PCDH15: variants seen among roughly 807,000 people sequenced by gnomAD.
PCDH15 encodes protocadherin-15.
A neutral mutation model predicts 178.5 loss-of-function variants in PCDH15; 129 were observed. The observed-to-expected ratio is 0.72, with a 90% CI of 0.63 to 0.84. PCDH15 has a LOEUF of 0.84. Among genes scored for constraint, PCDH15 ranks in the 40% least tolerant of loss-of-function variants. The pLI is 0.00. For synonymous variants in PCDH15, 800 were observed against 732.0 expected, an observed-to-expected ratio of 1.09 and a Z score of -1.50; for missense variants, 2,230 against 2,099.9, an observed-to-expected ratio of 1.06 and a Z score of -1.21.
intron 1 of PCDH15, among the ~76,000 whole-genome samples, chr10:55,278,445 G>A (rs977297947): frequency 4.6e-5 from 7 of 151,800 alleles, no homozygotes; most frequent in Non-Finnish European, 1.0e-4. Flanking sequence ...GGCTGGTTAC[G>A]AACTCCTGGC....
chr10:55,434,789 A>G (rs1838999381), intron 2 of PCDH15, among the ~76,000 whole-genome samples: 1 of 152,014 alleles, frequency 6.6e-6, no homozygotes, highest in African/African-American at 2.4e-5. Context: ...TATTTTTAGT[A>G]GAGACAGGGT....
chr10:53,949,245 T>C (rs926196752), intron 23 of PCDH15, among the ~76,000 whole-genome samples: 1 of 152,212 alleles, frequency 6.6e-6, no homozygotes, highest in Non-Finnish European at 1.5e-5. Context: ...AAACCTATTA[T>C]GTTTGAGGCA....
intron 20 of PCDH15, among the ~76,000 whole-genome samples, chr10:54,016,569 T>C (rs538439810): frequency 2.6e-5 from 4 of 152,324 alleles, no homozygotes; most frequent in African/African-American, 9.6e-5. Flanking sequence ...AATGAGATCA[T>C]GTCCTTTGCA....
intron 1 of PCDH15, among the ~76,000 whole-genome samples, chr10:54,781,854 G>A (rs1438760246): frequency 6.6e-6 from 1 of 152,066 alleles, no homozygotes; most frequent in Non-Finnish European, 1.5e-5. Flanking sequence ...TCAAACACGA[G>A]GTTCCTGCTT....
chr10:55,064,586 T>C (rs1029998365), intron 2 of PCDH15, among the ~76,000 whole-genome samples: 3 of 146,786 alleles, frequency 2.0e-5, no homozygotes, highest in East Asian at 4.6e-4. Flanking sequence ...AAAATATAAC[T>C]TTTTTTTTCA....
intron 2 of PCDH15, among the ~76,000 whole-genome samples, chr10:55,092,047 A>G (rs1842332189): frequency 6.6e-6 from 1 of 151,888 alleles, no homozygotes; most frequent in Non-Finnish European, 1.5e-5. Flanking sequence ...ATCTATTCTA[A>G]TATGGCTCAT....
chr10:54,863,171 T>A (rs908288783), intron 3 of PCDH15, among the ~76,000 whole-genome samples: 1 of 152,174 alleles, frequency 6.6e-6, no homozygotes, highest in African/African-American at 2.4e-5. Flanking sequence ...AATTTTACGA[T>A]GGTAGCATTT....
At chr10:54,157,968 C>T (rs1007767753) in intron 13 of PCDH15, among the ~76,000 whole-genome samples, 11 of 152,158 alleles carry the variant, frequency 7.2e-5, no homozygotes, top group Admixed American at 7.2e-4. Context: ...CCTCTGAGAC[C>T]ACCTCAGGCT....
At chr10:54,256,053 C>A (rs1386387044) in intron 8 of PCDH15, among the ~76,000 whole-genome samples, 1 of 152,168 alleles carries the variant, frequency 6.6e-6, no homozygotes, top group African/African-American at 2.4e-5. Flanking sequence ...AGAATAGTCT[C>A]CGGAAGGATA....
At chr10:54,963,177 C>T (rs1838698972) in intron 2 of PCDH15, among the ~76,000 whole-genome samples, 1 of 152,104 alleles carries the variant, frequency 6.6e-6, no homozygotes, top group Non-Finnish European at 1.5e-5. Flanking sequence ...TCCCATGGCC[C>T]AGTAAATCAA....
In PCDH15 at chr10:53,807,130, A is replaced by G; in HGVS notation, c.4672T>C (p.Trp1558Arg). 6.3e-7 allele frequency: 1 copy of G among 1,585,334 alleles called. No homozygotes were observed. The highest frequency in any genetic ancestry group is 8.6e-7 in the Non-Finnish European group (1 of 1,167,078). The change falls in exon 38 of 38, where the codon TGG becomes CGG. Residue 1558 changes from tryptophan (W) to arginine (R), a missense_variant and splice_region_variant. Transcript: ENST00000644397. ...AACTTGATCATTCTTTTTCTTGCCCACTGATAAAATAAACAAAAATATGTG... is the reference window on the plus strand; with the variant it reads ...AACTTGATCATTCTTTTTCTTGCCCGCTGATAAAATAAACAAAAATATGTG... The part of the protein sequence containing the change: ...EAEEEYEEEE[W>R]ARKRMIKLVV...
chr10:55,115,872 T>A (rs1591914807), intron 2 of PCDH15, among the ~76,000 whole-genome samples: 1 of 152,198 alleles, frequency 6.6e-6, no homozygotes, highest in Non-Finnish European at 1.5e-5. Context: ...ACACAGTAGC[T>A]CCATCTTTCT....
intron 13 of PCDH15, among the ~76,000 whole-genome samples, chr10:54,182,825 A>G (rs1334356079): frequency 2.6e-5 from 4 of 152,172 alleles, no homozygotes; most frequent in Admixed American, 6.5e-5. Context: ...ATTTTAATAA[A>G]ATATAAACTG....
intron 2 of PCDH15, among the ~76,000 whole-genome samples, chr10:54,644,006 C>T (rs1385811445): frequency 8.8e-6 from 1 of 113,104 alleles, no homozygotes; most frequent in Non-Finnish European, 1.7e-5. Context: ...GTGTGATGTT[C>T]CCCTTCCTGT....
intron 1 of PCDH15, among the ~76,000 whole-genome samples, chr10:54,774,428 G>T (rs1949470766): frequency 6.6e-6 from 1 of 151,998 alleles, no homozygotes; most frequent in Admixed American, 6.6e-5. Flanking sequence ...GAGTGAATGA[G>T]ATACTATGTA....
intron 1 of PCDH15, among the ~76,000 whole-genome samples, chr10:54,724,332 C>T (rs908523663): frequency 1.3e-5 from 2 of 151,342 alleles, no homozygotes; most frequent in Admixed American, 1.3e-4. Flanking sequence ...ACAAGAGGTA[C>T]ATATAGATGC....
intron 3 of PCDH15, among the ~76,000 whole-genome samples, chr10:54,874,508 C>A (rs1954102753): frequency 6.6e-6 from 1 of 152,024 alleles, no homozygotes; most frequent in Non-Finnish European, 1.5e-5. Context: ...TGGGCAAGGA[C>A]TTCATGTCTA....
At chr10:55,138,281 G>A (rs1230092263) in intron 2 of PCDH15, among the ~76,000 whole-genome samples, 1 of 152,068 alleles carries the variant, frequency 6.6e-6, no homozygotes, top group African/African-American at 2.4e-5. Flanking sequence ...TCCAATATAA[G>A]TAGGGGTTCT....
chr10:54,293,677 C>G (rs2059569181), intron 8 of PCDH15, among the ~76,000 whole-genome samples: 1 of 152,132 alleles, frequency 6.6e-6, no homozygotes, highest in South Asian at 2.1e-4. Context: ...AGATTCTTCT[C>G]AAAAGAAGAC....
Sources: gnomAD v4.1 joint callset for allele counts (sites outside exome capture counted in the v4.1 genomes callset) on GRCh38, gnomAD v4.1.1 for gene constraint, MANE v1.5 for transcripts, NCBI Gene and HGNC (gene_info 2026-07-23, HGNC 2026-07-21) for gene names.